BMP1: variants seen among roughly 807,000 people sequenced by gnomAD.
BMP1 encodes the protein bone morphogenetic protein 1.
A neutral mutation model predicts 116.8 loss-of-function variants in BMP1; 63 were observed. The observed-to-expected ratio is 0.54, with a 90% CI of 0.44 to 0.67. The LOEUF is 0.67. Among genes scored for constraint, BMP1 ranks in the 30% least tolerant of loss-of-function variants. BMP1 has a pLI of 0.00. For synonymous variants in BMP1, 536 were observed against 533.4 expected, an observed-to-expected ratio of 1.00 and a Z score of -0.07; for missense variants, 1,183 against 1,358.9, an observed-to-expected ratio of 0.87 and a Z score of 2.04.
chr8:22,192,036 C>G lies in BMP1; in HGVS notation c.1078-13C>G. 1 of 1,606,360 alleles carries G rather than the reference C, an allele frequency of 6.2e-7. No homozygotes were observed. Among genetic ancestry groups the G allele is most frequent in the Non-Finnish European group, 8.5e-7 (1 of 1,173,254 alleles). The stretch of plus-strand genomic sequence containing the variant: ...CGGGACAGCTTAACCCTCTTCCTCC[C>G]CTGTTGCCCTAGATCATCCTGAACT... On this transcript the variant is annotated splice_polypyrimidine_tract_variant and intron_variant, in intron 8 of 19. Transcript: ENST00000306385.
At chr8:22,203,906 C>T (rs1829307405) in intron 16 of BMP1, among the ~76,000 whole-genome samples, 1 of 152,236 alleles carries the variant, frequency 6.6e-6, no homozygotes, top group Non-Finnish European at 1.5e-5. Flanking sequence ...AGAACAGAAT[C>T]CACAAGATAG....
At position 22,194,718 on chromosome 8, in the gene BMP1, C is replaced by G. The variant is rs1444545913; in HGVS notation, c.1444-6C>G. 1 of 1,601,552 alleles carries G rather than the reference C, an allele frequency of 6.2e-7. No homozygotes were observed. Among genetic ancestry groups the G allele is most frequent in the Admixed American group, 1.7e-5 (1 of 58,748 alleles). On this transcript the variant is annotated splice_polypyrimidine_tract_variant and splice_region_variant and intron_variant, in intron 11 of 19. Coordinates refer to ENST00000306385, the MANE Select transcript of BMP1 (RefSeq NM_006129.5). This position sits in a 1 kb window ranked among gnomAD's most constrained non-coding sequence, Gnocchi z 4.5. ...CCCCTTCCACTGATGAAGCCTCGAC[C>G]CCTAGATTGAGCGCCACGACAGCTG... is the stretch of plus-strand genomic sequence containing the variant.
In BMP1 at chr8:22,211,750, G is replaced by A. The variant is rs10093980; in HGVS notation, c.*22G>A. ...GTGACCACTGCCTGAGCAGGGGCGG[G>A]GACTGGAGCCTGCTGCCCTTGGTCG... On this transcript the variant is annotated 3_prime_UTR_variant, in exon 20 of 20. Transcript: ENST00000306385. 1.3e-3 allele frequency: 2,081 copies of A among 1,614,050 alleles called. 28 individuals carry two copies. The African/African-American group carries it at 0.025, about 20-fold the overall frequency.
chr8:22,194,337 A>G lies in BMP1; in HGVS notation c.1298-108A>G. 2 of 1,510,194 alleles carry G rather than the reference A, an allele frequency of 1.3e-6. No individual in the cohort carries two copies. The highest frequency in any genetic ancestry group is 2.5e-5 in the South Asian group (2 of 80,702). The allele number at this position is 1,510,194 out of a possible 1,614,324, so 93.5% of individuals were successfully genotyped here. On this transcript the variant is annotated intron_variant, in intron 10 of 19. Transcript: ENST00000306385. This position sits in a 1 kb window ranked among gnomAD's most constrained non-coding sequence, Gnocchi z 4.5. ...GACTGGGGGTTTGGTGGGGAACTGA[A>G]AAGCTGGGGGACATGGGAGGGACTG...
chr8:22,192,084 C>T lies in BMP1; in HGVS notation c.1113C>T (p.Arg371=). 1.2e-6 allele frequency: 2 copies of T among 1,614,022 alleles called. No individual in the cohort carries two copies. The highest frequency in any genetic ancestry group is 1.7e-6 in the Non-Finnish European group (2 of 1,179,908). Reference sequence around the variant, plus strand: ...ACTTCACGTCCCTGGACCTGTACCGCAGCCGCCTGTGCTGGTACGACTATG... The same window carrying T: ...ACTTCACGTCCCTGGACCTGTACCGTAGCCGCCTGTGCTGGTACGACTATG... ...ILNFTSLDLY[R]SRLCWYDYVE... is the part of the protein sequence containing the mutation. Residue 371 remains arginine (R), a synonymous_variant, in exon 9 of 20, where the codon CGC becomes CGT. Transcript: ENST00000306385.
At chr8:22,168,690 G>A (rs1307689228) in intron 1 of BMP1, among the ~76,000 whole-genome samples, 3 of 152,256 alleles carry the variant, frequency 2.0e-5, no homozygotes, top group African/African-American at 7.2e-5. Flanking sequence ...AGGTCGAGAA[G>A]TAATCTCTCC....
chr8:22,166,495 G>A (rs891432823), intron 1 of BMP1, among the ~76,000 whole-genome samples: 3 of 152,218 alleles, frequency 2.0e-5, no homozygotes, highest in African/African-American at 7.2e-5. Flanking sequence ...TTGCCTGATT[G>A]GATGACCCTG....
At chr8:22,192,761 C>A (rs1828971608) in intron 9 of BMP1, among the ~76,000 whole-genome samples, 1 of 152,078 alleles carries the variant, frequency 6.6e-6, no homozygotes, top group South Asian at 2.1e-4. Context: ...TTTAATGAAC[C>A]TAGAATTAGG....
At position 22,211,664 on chromosome 8, in the gene BMP1, A is replaced by G; in HGVS notation, c.2897A>G (p.Lys966Arg). The G allele has an allele frequency of 1.2e-6, 2 of 1,614,156 alleles. No homozygotes were observed. The highest frequency in any genetic ancestry group is 1.7e-6 in the Non-Finnish European group (2 of 1,180,020). ...VKFHSDDTIT[K>R]KGFHLRYTST... ...TTCCACTCGGATGACACCATCACCA[A>G]AAAAGGTTTCCACCTGCGATACACC... Residue 966 changes from lysine (K) to arginine (R), a missense_variant, in exon 20 of 20, where the codon AAA becomes AGA. By Grantham distance (26) the Lys-to-Arg change is conservative (BLOSUM62 2). Around this residue, in one of 4 missense-constraint regions of BMP1, gnomAD observed 956 missense variants for 1,135.2 expected, o/e 0.84. Coordinates refer to ENST00000306385, the MANE Select transcript of BMP1 (RefSeq NM_006129.5).
At position 22,192,141 on chromosome 8, in the gene BMP1, GCC is replaced by G. The variant is rs768657002; in HGVS notation, c.1173_1174del (p.Leu392ProfsTer11). On this transcript the variant is annotated frameshift_variant, in exon 9 of 20. Transcript: ENST00000306385. LOFTEE classifies it high-confidence loss of function. ...TCCGAGATGGCTTCTGGAGGAAGGC[GCC>G]CCTCCGAGGTAACGGCACCAGCCAC... ...EVRDGFWRKAPLRGRFCGSKL... is the reference protein window; with the variant it reads ...EVRDGFWRKAXLRGRFCGSKL... The G allele has an allele frequency of 6.2e-7, 1 of 1,613,128 alleles. No homozygotes were observed. Among genetic ancestry groups the G allele is most frequent in the Non-Finnish European group, 8.5e-7 (1 of 1,179,616 alleles).
intron 4 of BMP1, 87 bp downstream of exon 4, chr8:22,176,737 C>T (rs905136272): frequency 1.4e-4 from 197 of 1,439,738 alleles, no homozygotes; most frequent in Middle Eastern, 3.5e-4. Context: ...CCCAGCTGGG[C>T]ACAGCCTTGG....
intron 6 of BMP1, among the ~76,000 whole-genome samples, chr8:22,179,000 C>T (rs754371336): frequency 1.3e-5 from 2 of 152,184 alleles, no homozygotes; most frequent in Non-Finnish European, 1.5e-5. Flanking sequence ...TTACATTTCC[C>T]ACCACATCCC....
chr8:22,206,714 ATGCC>A, intron 16 of BMP1, 136 bp from the exon 17 acceptor site: 8 of 1,286,974 alleles, frequency 6.2e-6, no homozygotes, highest in Non-Finnish European at 8.6e-6. Flanking sequence ...AAAAGAAACG[ATGCC>A]TGCCTGCCAT....
At position 22,179,036 on chromosome 8, in the gene BMP1, C is replaced by A. The variant is rs975145533; in HGVS notation, c.837-669C>A. On this transcript the variant is annotated intron_variant, in intron 6 of 19. Transcript: ENST00000306385. The surrounding 1 kb of genome is among the most constrained non-coding windows in gnomAD (Gnocchi z 4.6). ...ACCCCACCCCCTGCTGCGATCCACC[C>A]AGCTGGGTGTGAGTCAGGGGCCCTG... is the stretch of plus-strand genomic sequence containing the variant. 6.6e-6 allele frequency among the ~76,000 whole-genome samples: 1 copy of A among 152,200 alleles called. No individual in the cohort carries two copies. The highest frequency in any genetic ancestry group is 2.4e-5 in the African/African-American group (1 of 41,460).
chr8:22,209,778 A>G, intron 19 of BMP1, 83 bp downstream of exon 19: 1 of 1,484,530 alleles, frequency 6.7e-7, no homozygotes, highest in Non-Finnish European at 9.1e-7. Flanking sequence ...AGTCTCCAAG[A>G]CCTAGCGCCC....
At chr8:22,192,022 A>G in intron 8 of BMP1, 27 bp from the exon 9 acceptor site, 2 of 1,585,924 alleles carry the variant, frequency 1.3e-6, no homozygotes, top group Non-Finnish European at 1.7e-6. Flanking sequence ...GGGACAGCTT[A>G]ACCCTCTTCC....
chr8:22,176,742 C>G, intron 4 of BMP1, 92 bp downstream of exon 4: 2 of 1,373,576 alleles, frequency 1.5e-6, no homozygotes, highest in Non-Finnish European at 2.1e-6. Context: ...CTGGGCACAG[C>G]CTTGGGTCCC....
At position 22,199,030 on chromosome 8, in the gene BMP1, G is replaced by A. The variant is rs147046395; in HGVS notation, c.2107+1610G>A. The stretch of plus-strand genomic sequence containing the variant: ...CCCTTCTGTTGCTCCAGTCTTGGAG[G>A]GGGCAGGGGACCGACACTCACATCT... On this transcript the variant is annotated intron_variant, in intron 15 of 19. Coordinates refer to ENST00000306385, the MANE Select transcript of BMP1 (RefSeq NM_006129.5). The A allele has an allele frequency of 6.1e-5, 81 of 1,337,872 alleles. No individual in the cohort carries two copies. In the African/African-American group the frequency reaches 1.1e-3, roughly 18 times the overall value. The allele number at this position is 1,337,872 out of a possible 1,614,324, so 82.9% of individuals were successfully genotyped here. A position where few individuals can be genotyped will look rare whatever the true frequency, so the allele number is the denominator to read the frequency against.
chr8:22,194,659 T>C lies in BMP1; in HGVS notation c.1444-65T>C, dbSNP rs1829028049. 2.5e-6 allele frequency: 4 copies of C among 1,598,686 alleles called. No homozygotes were observed. Among genetic ancestry groups the C allele is most frequent in the Non-Finnish European group, 2.6e-6 (3 of 1,170,476 alleles). On this transcript the variant is annotated intron_variant, in intron 11 of 19. Transcript: ENST00000306385. The surrounding 1 kb of genome is among the most constrained non-coding windows in gnomAD (Gnocchi z 4.5). ...GCTCCCTGGGACAGCTGCCTCTCTT[T>C]GGGCTCCCAGGGGTGGGTCTCTGGC...
Sources: gnomAD v4.1 joint callset for allele counts (sites outside exome capture counted in the v4.1 genomes callset) on GRCh38, gnomAD v4.1.1 for gene constraint, gnomAD v4.1.1 regional missense constraint, Gnocchi (gnomAD v3.1) non-coding constraint, MANE v1.5 for transcripts, NCBI Gene and HGNC (gene_info 2026-07-23, HGNC 2026-07-21) for gene names.